The following ACCSL variants were observed in gnomAD, a reference collection of about 807,000 sequenced individuals.
ACCSL encodes probable inactive 1-aminocyclopropane-1-carboxylate synthase-like protein 2.
A neutral mutation model predicts 61.7 loss-of-function variants in ACCSL; 55 were observed. The ratio of observed to expected loss-of-function variants is 0.89; its 90% CI spans 0.72 to 1.12. The LOEUF is 1.12. Ranked by LOEUF, ACCSL falls within the 50% of genes most tolerant of loss-of-function variation. The probability of loss-of-function intolerance (pLI) is 0.00; values close to 1 mark genes in which losing one functional copy is unlikely to be tolerated. For missense variants in ACCSL, 632 were observed against 698.0 expected (o/e 0.91, Z 1.07); for synonymous variants, 258 against 264.3 (o/e 0.98, Z 0.23).
At chr11:44,031,760 CT>C in the ACCSL span, among the ~76,000 whole-genome samples, 132 of 152,302 alleles carry the variant, frequency 8.7e-4, 1 homozygote, top group Non-Finnish European at 1.6e-3. Context: ...TAGGAAGAGG[CT>C]TGTGCTAGTA....
intron 11 of ACCSL, among the ~76,000 whole-genome samples, chr11:44,057,560 C>T (rs867948200): frequency 2.6e-5 from 4 of 152,218 alleles, no homozygotes; most frequent in African/African-American, 9.7e-5. Context: ...GGGCTTCTAA[C>T]AGCTCCCCAA....
the ACCSL span, among the ~76,000 whole-genome samples, chr11:43,960,004 C>T: frequency 6.6e-6 from 1 of 152,184 alleles, no homozygotes; most frequent in Non-Finnish European, 1.5e-5. Flanking sequence ...CCGGCCCCCA[C>T]CAGGAGCTTT....
chr11:43,925,931 C>T, the ACCSL span, among the ~76,000 whole-genome samples: 1 of 152,180 alleles, frequency 6.6e-6, no homozygotes, highest in Non-Finnish European at 1.5e-5. Context: ...TGCACCATTT[C>T]ACATGCCCTG....
chr11:44,027,095 G>T, the ACCSL span, among the ~76,000 whole-genome samples: 1 of 152,096 alleles, frequency 6.6e-6, no homozygotes, highest in African/African-American at 2.4e-5. Context: ...TAGCTTACTG[G>T]TCTTTTAATG....
the ACCSL span, among the ~76,000 whole-genome samples, chr11:43,981,042 T>C: frequency 6.6e-6 from 1 of 152,154 alleles, no homozygotes; most frequent in Non-Finnish European, 1.5e-5. Flanking sequence ...TGCAGTTTAT[T>C]TGGGATGTGA....
At chr11:43,990,574 A>G in the ACCSL span, among the ~76,000 whole-genome samples, 5 of 152,304 alleles carry the variant, frequency 3.3e-5, no homozygotes, top group African/African-American at 1.2e-4. Flanking sequence ...CAACATATGA[A>G]TTTGGGGAGA....
the ACCSL span, among the ~76,000 whole-genome samples, chr11:44,032,785 T>G: frequency 3.3e-5 from 5 of 152,260 alleles, no homozygotes; most frequent in Admixed American, 6.5e-5. Context: ...AATGGGCCTT[T>G]CAGAATCAAG....
chr11:43,981,178 G>T, the ACCSL span, among the ~76,000 whole-genome samples: 1 of 152,214 alleles, frequency 6.6e-6, no homozygotes, highest in South Asian at 2.1e-4. Context: ...GACTTTATCC[G>T]CCTGGGGACC....
chr11:44,051,606 C>T, intron 4 of ACCSL, 47 bp from the exon 5 acceptor site: 1 of 1,609,950 alleles, frequency 6.2e-7, no homozygotes, highest in Non-Finnish European at 8.5e-7. Flanking sequence ...TACCCCTTCT[C>T]ACATAGGTAT....
At chr11:43,979,685 A>G in the ACCSL span, among the ~76,000 whole-genome samples, 1 of 152,056 alleles carries the variant, frequency 6.6e-6, no homozygotes, top group African/African-American at 2.4e-5. Flanking sequence ...CGTCTCTACT[A>G]AAAATACAGA....
chr11:43,994,854 T>G, the ACCSL span, among the ~76,000 whole-genome samples: 1 of 152,162 alleles, frequency 6.6e-6, no homozygotes, highest in Admixed American at 6.5e-5. Context: ...AGGCTGGTCT[T>G]AAACTCCTGA....
the ACCSL span, chr11:43,926,694 T>G: frequency 3.1e-6 from 1 of 324,726 alleles, no homozygotes; most frequent in South Asian, 2.5e-5. Flanking sequence ...AAAAGAAAGA[T>G]AAAAAGAGAA....
the ACCSL span, among the ~76,000 whole-genome samples, chr11:43,957,091 G>A: frequency 6.6e-6 from 1 of 152,186 alleles, no homozygotes; most frequent in Non-Finnish European, 1.5e-5. Context: ...TCTGAGATAG[G>A]TCTTGATGAA....
chr11:44,027,946 C>G, the ACCSL span, among the ~76,000 whole-genome samples: 1 of 152,166 alleles, frequency 6.6e-6, no homozygotes, highest in Non-Finnish European at 1.5e-5. Flanking sequence ...AGGAGGATTA[C>G]TTGAGGCCAG....
At chr11:43,988,402 T>C in the ACCSL span, among the ~76,000 whole-genome samples, 1 of 151,988 alleles carries the variant, frequency 6.6e-6, no homozygotes, top group Non-Finnish European at 1.5e-5. Context: ...AGGAGCTCCC[T>C]GGGAATATTC....
the ACCSL span, among the ~76,000 whole-genome samples, chr11:44,033,743 G>A: frequency 6.6e-6 from 1 of 152,078 alleles, no homozygotes; most frequent in Non-Finnish European, 1.5e-5. Context: ...TTTGACAGCT[G>A]AAGCAGGAAG....
At chr11:43,931,329 G>C in the ACCSL span, among the ~76,000 whole-genome samples, 1 of 152,098 alleles carries the variant, frequency 6.6e-6, no homozygotes, top group Non-Finnish European at 1.5e-5. Flanking sequence ...ATGCCCCACC[G>C]CAAGACTCTA....
the ACCSL span, among the ~76,000 whole-genome samples, chr11:44,012,289 C>CT: frequency 1.5e-3 from 216 of 144,916 alleles, no homozygotes; most frequent in East Asian, 2.0e-3. Flanking sequence ...ATTTGATTAA[C>CT]TTTTTTTTTT....
At chr11:44,050,160 A>G in intron 2 of ACCSL, 39 bp downstream of exon 2, 1 of 1,557,646 alleles carries the variant, frequency 6.4e-7, no homozygotes, top group Non-Finnish European at 8.9e-7. Flanking sequence ...CCACCCCTTC[A>G]AGGCTTAGTC....
Sources: allele counts gnomAD v4.1 joint callset (sites outside exome capture counted in the v4.1 genomes callset), GRCh38; gene constraint gnomAD v4.1.1; transcripts MANE v1.5; gene names NCBI Gene and HGNC (gene_info 2026-07-23, HGNC 2026-07-21).